Variants in MAGI2 observed in about 807,000 individuals in gnomAD.
MAGI2 encodes membrane associated guanylate kinase, WW and PDZ domain containing 2.
Under a neutral mutation model 133.3 loss-of-function variants are expected in MAGI2, and 35 were observed. The observed-to-expected ratio is 0.26, with a 90% CI of 0.20 to 0.35. The LOEUF (loss-of-function observed/expected upper bound fraction) is 0.35. Among genes scored for constraint, MAGI2 ranks in the 10% least tolerant of loss-of-function variants. MAGI2 has a pLI of 1.00. For synonymous variants in MAGI2, 729 were observed against 710.6 expected (o/e 1.03, Z -0.41); for missense variants, 1,636 against 1,863.4 (o/e 0.88, Z 2.25).
chr7:79,124,604 G>A (rs1269698446), intron 1 of MAGI2: 1 of 152,270 alleles, frequency 6.6e-6, no homozygotes, highest in East Asian at 1.9e-4. Flanking sequence ...CTGACTGAGT[G>A]GCTACTGTCC....
intron 11 of MAGI2, among the ~76,000 whole-genome samples, chr7:78,200,192 T>C (rs75838157): frequency 2.7e-3 from 417 of 152,320 alleles, no homozygotes; most frequent in African/African-American, 9.6e-3. Flanking sequence ...AGTGTTCTGC[T>C]TTGCTGCAGC....
At chr7:78,799,164 G>C (rs1305098818) in intron 2 of MAGI2, among the ~76,000 whole-genome samples, 1 of 152,106 alleles carries the variant, frequency 6.6e-6, no homozygotes, top group East Asian at 1.9e-4. Context: ...CTGAACATGT[G>C]CCTGATATAC....
At chr7:78,861,124 T>A (rs1011418527) in intron 2 of MAGI2, among the ~76,000 whole-genome samples, 1 of 152,150 alleles carries the variant, frequency 6.6e-6, no homozygotes. Flanking sequence ...GTGTCCCGAT[T>A]TTCCAGGTAC....
At chr7:78,047,025 G>C (rs967440525) in intron 21 of MAGI2, among the ~76,000 whole-genome samples, 1 of 151,948 alleles carries the variant, frequency 6.6e-6, no homozygotes, top group African/African-American at 2.4e-5. Context: ...TAAATAACTA[G>C]GTAATTCCTT....
intron 1 of MAGI2, among the ~76,000 whole-genome samples, chr7:79,032,171 G>A (rs1755865928): frequency 1.3e-5 from 2 of 152,110 alleles, no homozygotes; most frequent in African/African-American, 2.4e-5. Flanking sequence ...ATACTTCAAA[G>A]CAGTATTTGC....
At chr7:78,546,836 G>A (rs896902395) in intron 3 of MAGI2, among the ~76,000 whole-genome samples, 2 of 152,226 alleles carry the variant, frequency 1.3e-5, no homozygotes, top group Non-Finnish European at 2.9e-5. Flanking sequence ...GATAATAACA[G>A]TGCCTACCAC....
rs953135351 is a variant in MAGI2, at chr7:79,141,254, A to T, written c.302-134048T>A. On this transcript the variant is annotated intron_variant, in intron 1 of 21. Transcript: ENST00000354212. Reference sequence around the variant, plus strand: ...CATCAGGTGCAACATTTACCAAATGATTTCTTTGTTCCAGATGATGTGCTG... The same window carrying T: ...CATCAGGTGCAACATTTACCAAATGTTTTCTTTGTTCCAGATGATGTGCTG... 3.9e-5 allele frequency among the ~76,000 whole-genome samples: 6 copies of T among 152,244 alleles called. No homozygotes were observed. The South Asian group carries it at 1.0e-3, about 26-fold the overall frequency.
intron 1 of MAGI2, among the ~76,000 whole-genome samples, chr7:79,449,401 G>T (rs970002992): frequency 3.3e-5 from 5 of 150,286 alleles, no homozygotes; most frequent in African/African-American, 1.2e-4. Flanking sequence ...ACCCTAAATG[G>T]GAAAATAAGT....
intron 2 of MAGI2, chr7:79,006,796 G>T (rs146770727): frequency 1.2e-5 from 3 of 242,488 alleles, no homozygotes; most frequent in East Asian, 8.2e-5. Flanking sequence ...TAATTCATTC[G>T]GAATCACCAA....
intron 2 of MAGI2, among the ~76,000 whole-genome samples, chr7:78,785,359 G>A (rs917546681): frequency 6.6e-6 from 1 of 152,052 alleles, no homozygotes; most frequent in African/African-American, 2.4e-5. Context: ...ATTTTTATTG[G>A]TTTTTACAGC....
At chr7:79,389,638 G>T (rs948252923) in intron 1 of MAGI2, among the ~76,000 whole-genome samples, 1 of 151,964 alleles carries the variant, frequency 6.6e-6, no homozygotes, top group Admixed American at 6.6e-5. Context: ...GCTTTTCCCA[G>T]ATATCAAGAT....
intron 10 of MAGI2, among the ~76,000 whole-genome samples, chr7:78,203,778 AT>A (rs1281421864): frequency 6.6e-6 from 1 of 152,254 alleles, no homozygotes; most frequent in African/African-American, 2.4e-5. Flanking sequence ...TGTTACAAAC[AT>A]TTAAATTAAG....
intron 1 of MAGI2, among the ~76,000 whole-genome samples, chr7:79,186,211 TA>T (rs1827093254): frequency 4.9e-4 from 2 of 4,102 alleles, no homozygotes; most frequent in East Asian, 6.3e-3. Context: ...TATATATATA[TA>T]TATATATATA....
At chr7:78,584,541 AG>A (rs1803199818) in intron 3 of MAGI2, among the ~76,000 whole-genome samples, 1 of 152,136 alleles carries the variant, frequency 6.6e-6, no homozygotes, top group Admixed American at 6.5e-5. Flanking sequence ...AGGTGTTAAA[AG>A]CTTTCTGCAT....
chr7:78,251,587 C>T (rs1469783427), intron 10 of MAGI2: 1 of 151,892 alleles, frequency 6.6e-6, no homozygotes, highest in Admixed American at 6.6e-5. Context: ...CAATAAACAA[C>T]CTGAAAAGAC....
chr7:79,336,169 A>C (rs1352610893), intron 1 of MAGI2, among the ~76,000 whole-genome samples: 1 of 152,102 alleles, frequency 6.6e-6, no homozygotes. Flanking sequence ...AGGTCATCTT[A>C]TTTAATTCTC....
intron 6 of MAGI2, among the ~76,000 whole-genome samples, chr7:78,373,012 G>A (rs553130082): frequency 5.8e-4 from 88 of 151,930 alleles, no homozygotes; most frequent in African/African-American, 1.7e-3. Context: ...TTTAACAGTC[G>A]GGGTTCCGTT....
chr7:78,743,800 T>C (rs1395664853), intron 2 of MAGI2, among the ~76,000 whole-genome samples: 1 of 152,194 alleles, frequency 6.6e-6, no homozygotes, highest in Non-Finnish European at 1.5e-5. Context: ...GTTTTTCCAT[T>C]TTTAATCTCC....
intron 13 of MAGI2, among the ~76,000 whole-genome samples, chr7:78,180,748 A>AC (rs1330640081): frequency 7.3e-6 from 1 of 137,142 alleles, no homozygotes; most frequent in South Asian, 2.5e-4. Context: ...GTTCATGAGC[A>AC]GGAAACAGAG....
Sources: gnomAD v4.1 joint callset for allele counts (sites outside exome capture counted in the v4.1 genomes callset) on GRCh38, gnomAD v4.1.1 for gene constraint, MANE v1.5 for transcripts, NCBI Gene and HGNC (gene_info 2026-07-23, HGNC 2026-07-21) for gene names.